BCL2L11: variants seen among roughly 807,000 people sequenced by gnomAD.
The protein encoded by BCL2L11 is BCL2 like 11.
A neutral mutation model predicts 20.6 loss-of-function variants in BCL2L11; 15 were observed. That is an observed-to-expected ratio of 0.73 (90% CI 0.49 to 1.12). BCL2L11 has a LOEUF of 1.12. Among genes scored for constraint, BCL2L11 ranks in the 50% most tolerant of loss-of-function variants. The probability of loss-of-function intolerance (pLI) is 0.00; values close to 1 mark genes in which losing one functional copy is unlikely to be tolerated. For missense variants in BCL2L11, 292 were observed against 260.9 expected (o/e 1.12, Z -0.82); for synonymous variants, 108 against 92.8 (o/e 1.16, Z -0.94).
intron 2 of BCL2L11, among the ~76,000 whole-genome samples, chr2:111,147,356 A>T (rs918713024): frequency 2.3e-3 from 297 of 127,382 alleles, no homozygotes; most frequent in African/African-American, 5.6e-3. Flanking sequence ...TCACACACAC[A>T]CACACACACA....
rs2078955430 is a variant in BCL2L11, at chr2:111,164,924, C to A, written c.*693C>A. ...CGTACCTTTATAAATTCAGTTGCAT[C>A]TGTGGCAAAATTTCAGACTATTTTT... On this transcript the variant is annotated 3_prime_UTR_variant, in exon 4 of 4. Transcript: ENST00000393256. 1 of 152,316 alleles carries A rather than the reference C, an allele frequency of 6.6e-6. No homozygotes were observed. The highest frequency in any genetic ancestry group is 6.5e-5 in the Admixed American group (1 of 15,292). The allele number at this position is 152,316 out of a possible 1,614,324, so 9.4% of individuals were successfully genotyped here.
Position 111,164,335 on chromosome 2 carries a change from TTCTCTTG to T in BCL2L11, c.*106_*112del. ...GGTGCCATTATTATGCAGCCAGCGG[TTCTCTTG>T]TGGAGGGGGCAGGTGACGTTTCAGA... On this transcript the variant is annotated 3_prime_UTR_variant, in exon 4 of 4. Coordinates refer to ENST00000393256, the MANE Select transcript of BCL2L11 (RefSeq NM_138621.5). 1.2e-6 allele frequency: 1 copy of T among 857,554 alleles called. No homozygotes were observed. The highest frequency in any genetic ancestry group is 2.5e-5 in the East Asian group (1 of 39,910). The allele number at this position is 857,554 out of a possible 1,614,324, so 53.1% of individuals were successfully genotyped here.
chr2:111,147,346 T>TCCCACA (rs760779894), intron 2 of BCL2L11, among the ~76,000 whole-genome samples: 1 of 137,332 alleles, frequency 7.3e-6, no homozygotes, highest in Non-Finnish European at 1.5e-5. Context: ...TCTCTCTCTC[T>TCCCACA]CACACACACA....
At chr2:111,130,056 A>T (rs1340260306) in intron 2 of BCL2L11, 12 of 363,534 alleles carry the variant, frequency 3.3e-5, no homozygotes, top group Admixed American at 1.1e-4. Flanking sequence ...AGGCCCTGGC[A>T]CAGCTGGAAC....
At chr2:111,125,162 A>G (rs945127424) in intron 2 of BCL2L11, among the ~76,000 whole-genome samples, 9 of 152,226 alleles carry the variant, frequency 5.9e-5, no homozygotes, top group Non-Finnish European at 1.3e-4. Context: ...AAGATAACCT[A>G]GGAATGCAAA....
intron 3 of BCL2L11, among the ~76,000 whole-genome samples, chr2:111,161,910 G>C (rs1229088671): frequency 4.6e-5 from 7 of 152,176 alleles, no homozygotes; most frequent in Non-Finnish European, 8.8e-5. Flanking sequence ...GATTTCACTG[G>C]AGCTGGCTGA....
At chr2:111,139,039 G>A (rs1278741749) in intron 2 of BCL2L11, among the ~76,000 whole-genome samples, 1 of 152,174 alleles carries the variant, frequency 6.6e-6, no homozygotes, top group Non-Finnish European at 1.5e-5. Context: ...CGTTCCAGGA[G>A]TATAGGAAAC....
chr2:111,164,277 TCAAAC>T lies in BCL2L11; in HGVS notation c.*50_*54del, dbSNP rs781678726. 98 of 1,431,556 alleles carry T rather than the reference TCAAAC, an allele frequency of 6.8e-5. No individual in the cohort carries two copies. In the Middle Eastern group the frequency reaches 1.4e-3, roughly 20 times the overall value. The allele number at this position is 1,431,556 out of a possible 1,614,324, so 88.7% of individuals were successfully genotyped here. A position where few individuals can be genotyped will look rare whatever the true frequency, so the allele number is the denominator to read the frequency against. ...GATACCATGCAGACATTTTGCTTGTTCAAACCAACAAGACCCAGCACCGCGGTCTC... is the reference window on the plus strand; with the variant it reads ...GATACCATGCAGACATTTTGCTTGTTCAACAAGACCCAGCACCGCGGTCTC... On this transcript the variant is annotated 3_prime_UTR_variant, in exon 4 of 4. Coordinates refer to ENST00000393256, the MANE Select transcript of BCL2L11 (RefSeq NM_138621.5).
chr2:111,130,060 C>G, intron 2 of BCL2L11: 1 of 366,402 alleles, frequency 2.7e-6, no homozygotes, highest in Non-Finnish European at 5.3e-6. Context: ...CCTGGCACAG[C>G]TGGAACTCAG....
At chr2:111,151,579 A>G in intron 3 of BCL2L11, among the ~76,000 whole-genome samples, 1 of 151,976 alleles carries the variant, frequency 6.6e-6, no homozygotes, top group South Asian at 2.1e-4. Context: ...ACCTTTGATT[A>G]TTATTTTTCT....
At chr2:111,147,346 T>TCC (rs760779894) in intron 2 of BCL2L11, among the ~76,000 whole-genome samples, 1 of 137,332 alleles carries the variant, frequency 7.3e-6, no homozygotes, top group African/African-American at 2.9e-5. Flanking sequence ...TCTCTCTCTC[T>TCC]CACACACACA....
At chr2:111,121,745 C>A (rs1403213591) in intron 1 of BCL2L11, among the ~76,000 whole-genome samples, 1 of 152,228 alleles carries the variant, frequency 6.6e-6, no homozygotes, top group Admixed American at 6.5e-5. Flanking sequence ...GGGGCCACTG[C>A]TGCGTTCGCT....
Position 111,124,063 on chromosome 2 carries a change from A to C in BCL2L11, c.318A>C (p.Ala106=), listed in dbSNP as rs1169611550. Residue 106 remains alanine (A), a synonymous_variant, in exon 2 of 4, where the codon GCA becomes GCC. Coordinates refer to ENST00000393256, the MANE Select transcript of BCL2L11 (RefSeq NM_138621.5). ...YFSFDTDRSP[A]PMSCDKSTQT... ...CTTTTGACACAGACAGGAGCCCAGC[A>C]CCCATGAGTTGTGACAAATCAACAC... The C allele has an allele frequency of 1.2e-6, 2 of 1,614,022 alleles. No individual in the cohort carries two copies. Among genetic ancestry groups the C allele is most frequent in the East Asian group, 4.5e-5 (2 of 44,896 alleles).
chr2:111,164,422 C>A lies in BCL2L11; in HGVS notation c.*191C>A. ...TGTTCATCACCACACAGCAGAATTT[C>A]TAATGGAAGTTTGTTGTGAATGTAA... is the stretch of plus-strand genomic sequence containing the variant. On this transcript the variant is annotated 3_prime_UTR_variant, in exon 4 of 4. Coordinates refer to ENST00000393256, the MANE Select transcript of BCL2L11 (RefSeq NM_138621.5). 2.0e-6 allele frequency: 1 copy of A among 506,168 alleles called. No homozygotes were observed. Among genetic ancestry groups the A allele is most frequent in the Non-Finnish European group, 3.6e-6 (1 of 280,780 alleles). 31.4% of individuals were successfully genotyped at this position (506,168 alleles called of 1,614,324 possible). A position where few individuals can be genotyped will look rare whatever the true frequency, so the allele number is the denominator to read the frequency against.
At chr2:111,122,097 C>T (rs541820234) in intron 1 of BCL2L11, among the ~76,000 whole-genome samples, 2 of 152,306 alleles carry the variant, frequency 1.3e-5, no homozygotes, top group Admixed American at 1.3e-4. Flanking sequence ...GCGTCCGCGG[C>T]CAGGGGTGGC....
Position 111,156,772 on chromosome 2 carries a change from A to G in BCL2L11, c.498+6625A>G, listed in dbSNP as rs979201135. 2.6e-5 allele frequency among the ~76,000 whole-genome samples: 4 copies of G among 152,206 alleles called. No individual in the cohort carries two copies. The East Asian group carries it at 5.8e-4, about 22-fold the overall frequency. On this transcript the variant is annotated intron_variant, in intron 3 of 3. Transcript: ENST00000393256. ...CTTTAGGAGGCCAATTGTCTGGTCTATCCCTTAGGCATGTAGTGGAGATTA... is the reference window on the plus strand; with the variant it reads ...CTTTAGGAGGCCAATTGTCTGGTCTGTCCCTTAGGCATGTAGTGGAGATTA...
intron 3 of BCL2L11, among the ~76,000 whole-genome samples, chr2:111,155,611 C>T (rs2077730890): frequency 6.6e-6 from 1 of 152,198 alleles, no homozygotes; most frequent in African/African-American, 2.4e-5. Context: ...TGTTTACCTT[C>T]TGTGGCTTCT....
Position 111,166,099 on chromosome 2 carries a change from G to A in BCL2L11, c.*1868G>A, listed in dbSNP as rs1284350781. The A allele has an allele frequency of 1.3e-5, 2 of 152,592 alleles. No individual in the cohort carries two copies. The highest frequency in any genetic ancestry group is 2.9e-5 in the Non-Finnish European group (2 of 68,034). The allele number at this position is 152,592 out of a possible 1,614,324, so 9.5% of individuals were successfully genotyped here. A position where few individuals can be genotyped will look rare whatever the true frequency, so the allele number is the denominator to read the frequency against. The stretch of plus-strand genomic sequence containing the variant: ...GAGCCCATTGGTAGGGTCATACAAA[G>A]CCCACGGTTACAAGCAGTGGTAGGA... On this transcript the variant is annotated 3_prime_UTR_variant, in exon 4 of 4. Transcript: ENST00000393256.
intron 2 of BCL2L11, among the ~76,000 whole-genome samples, chr2:111,148,143 G>A (rs2076804553): frequency 6.6e-6 from 1 of 152,200 alleles, no homozygotes; most frequent in Admixed American, 6.5e-5. Context: ...CGGGGCTGAA[G>A]GCAGTTTTCT....
Sources: gnomAD v4.1 joint callset for allele counts (sites outside exome capture counted in the v4.1 genomes callset) on GRCh38, gnomAD v4.1.1 for gene constraint, MANE v1.5 for transcripts, NCBI Gene and HGNC (gene_info 2026-07-23, HGNC 2026-07-21) for gene names.